IFT56: variants seen among roughly 807,000 people sequenced by gnomAD.
IFT56 encodes the protein intraflagellar transport protein 56.
the IFT56 span, chr7:139,138,059 G>GTT: frequency 1.5e-4 from 85 of 584,018 alleles, no homozygotes; most frequent in Middle Eastern, 4.4e-4. Flanking sequence ...ACAAAGAGAA[G>GTT]TTACCTATTT....
chr7:139,134,657 G>A, the IFT56 span: 1 of 1,604,718 alleles, frequency 6.2e-7, no homozygotes, highest in East Asian at 2.2e-5. Flanking sequence ...TTTTACAGAT[G>A]CTTTCAAGGG....
chr7:139,138,218 A>G, the IFT56 span, among the ~76,000 whole-genome samples: 1 of 152,188 alleles, frequency 6.6e-6, no homozygotes, highest in Non-Finnish European at 1.5e-5. Flanking sequence ...GAGTTACCCA[A>G]GGTCAATCTC....
At chr7:139,185,537 A>G in the IFT56 span, among the ~76,000 whole-genome samples, 1 of 152,100 alleles carries the variant, frequency 6.6e-6, no homozygotes, top group African/African-American at 2.4e-5. Flanking sequence ...GACATAATAG[A>G]ATATTTACAG....
chr7:139,148,470 T>A, the IFT56 span: 2,511 of 1,199,556 alleles, frequency 2.1e-3, 4 homozygotes, highest in Non-Finnish European at 2.7e-3. Flanking sequence ...TATCTGTAAC[T>A]CTTGATTAAT....
chr7:139,177,421 A>T, the IFT56 span, among the ~76,000 whole-genome samples: 1 of 151,310 alleles, frequency 6.6e-6, no homozygotes, highest in Non-Finnish European at 1.5e-5. Context: ...CAATTATGAC[A>T]GTCTGATATA....
At chr7:139,189,279 T>C in the IFT56 span, 2 of 1,407,376 alleles carry the variant, frequency 1.4e-6, no homozygotes, top group Admixed American at 2.0e-5. Context: ...TTAATTTTCA[T>C]TCTTCATTGA....
chr7:139,134,707 A>G, the IFT56 span: 1 of 1,614,128 alleles, frequency 6.2e-7, no homozygotes, highest in East Asian at 2.2e-5. Context: ...CACACTGACA[A>G]AAGAAAGAAG....
At chr7:139,148,141 C>A in the IFT56 span, 2 of 1,451,714 alleles carry the variant, frequency 1.4e-6, no homozygotes, top group South Asian at 1.3e-5. Flanking sequence ...TCCATTTGAG[C>A]TTTGTAATTT....
chr7:139,157,761 T>G, the IFT56 span, among the ~76,000 whole-genome samples: 1 of 152,104 alleles, frequency 6.6e-6, no homozygotes, highest in Non-Finnish European at 1.5e-5. Context: ...CTGCCTTGGC[T>G]TCCCAAAACA....
chr7:139,159,858 T>C, the IFT56 span, among the ~76,000 whole-genome samples: 8 of 152,200 alleles, frequency 5.3e-5, no homozygotes, highest in African/African-American at 1.9e-4. Context: ...TGCTCTGAAA[T>C]TGAGACCAAA....
the IFT56 span, among the ~76,000 whole-genome samples, chr7:139,167,495 G>A: frequency 6.6e-6 from 1 of 151,988 alleles, no homozygotes; most frequent in Non-Finnish European, 1.5e-5. Context: ...AGCTAGGGAG[G>A]GTATCTATTA....
the IFT56 span, among the ~76,000 whole-genome samples, chr7:139,158,761 A>G: frequency 6.6e-6 from 1 of 152,036 alleles, no homozygotes; most frequent in Non-Finnish European, 1.5e-5. Context: ...TAAAAATACA[A>G]AAATTACCCT....
the IFT56 span, among the ~76,000 whole-genome samples, chr7:139,155,589 T>C: frequency 1.3e-5 from 2 of 152,186 alleles, no homozygotes; most frequent in African/African-American, 2.4e-5. Flanking sequence ...TATTAATTGA[T>C]TTTTGAATGT....
At chr7:139,157,495 ATTT>A in the IFT56 span, among the ~76,000 whole-genome samples, 5 of 82,438 alleles carry the variant, frequency 6.1e-5, no homozygotes, top group South Asian at 3.9e-4. Flanking sequence ...TTTGTATTGG[ATTT>A]TTTTTTTTTT....
chr7:139,184,506 G>A, the IFT56 span, among the ~76,000 whole-genome samples: 1,651 of 152,276 alleles, frequency 0.011, 27 homozygotes, highest in African/African-American at 0.038. Flanking sequence ...CAAAATTATT[G>A]AGATAGAGAA....
chr7:139,177,499 G>A, the IFT56 span, among the ~76,000 whole-genome samples: 1,002 of 151,716 alleles, frequency 6.6e-3, 18 homozygotes, highest in African/African-American at 0.023. Flanking sequence ...AAAATTTTCT[G>A]TGGTGGCATT....
chr7:139,145,033 G>A, the IFT56 span, among the ~76,000 whole-genome samples: 1 of 152,106 alleles, frequency 6.6e-6, no homozygotes, highest in East Asian at 1.9e-4. Context: ...GGATGCTTTT[G>A]TCTTCTTCCA....
the IFT56 span, among the ~76,000 whole-genome samples, chr7:139,142,534 C>T: frequency 2.8e-5 from 4 of 141,012 alleles, no homozygotes; most frequent in African/African-American, 1.2e-4. Context: ...AAGCAACAGT[C>T]ATATAAGAAG....
the IFT56 span, chr7:139,134,012 C>A: frequency 1.1e-6 from 1 of 886,378 alleles, no homozygotes; most frequent in Non-Finnish European, 1.8e-6. Flanking sequence ...AGGGATGCAA[C>A]TGTAAATACC....
Sources: allele counts gnomAD v4.1 joint callset (sites outside exome capture counted in the v4.1 genomes callset), GRCh38; gene constraint gnomAD v4.1.1; transcripts MANE v1.5; gene names NCBI Gene and HGNC (gene_info 2026-07-23, HGNC 2026-07-21).